The following RYR2 variants were observed in gnomAD, a reference collection of about 807,000 sequenced individuals.
The protein encoded by RYR2 is ryanodine receptor 2.
In RYR2, 227 loss-of-function variants were observed where a neutral mutation model predicts 601.1. The observed-to-expected ratio is 0.38, with a 90% CI of 0.34 to 0.42. The LOEUF (loss-of-function observed/expected upper bound fraction) is 0.42. Among genes scored for constraint, RYR2 ranks in the 10% least tolerant of loss-of-function variants. The pLI, the probability that RYR2 is intolerant of heterozygous loss-of-function variation, is 1.00. For missense variants in RYR2, 4,646 were observed against 6,156.5 expected, an observed-to-expected ratio of 0.75 and a Z score of 8.21; for synonymous variants, 2,223 against 2,175.1, an observed-to-expected ratio of 1.02 and a Z score of -0.61.
intron 24 of RYR2, among the ~76,000 whole-genome samples, chr1:237,524,153 T>C (rs777413014): frequency 6.6e-6 from 1 of 152,182 alleles, no homozygotes; most frequent in Non-Finnish European, 1.5e-5. Context: ...AACTGGAAAC[T>C]GTGCAAATGT....
rs188214700 is a variant in RYR2 at position 237,337,768 on chromosome 1, A to G, written c.273+6786A>G. On this transcript the variant is annotated intron_variant, in intron 3 of 104. Coordinates refer to ENST00000366574, the MANE Select transcript of RYR2 (RefSeq NM_001035.3). Reference sequence around the variant, plus strand: ...AAAATAACTATAATCTCTGGACAAAATACAAAAACAAAACTACACCCACAA... The same window carrying G: ...AAAATAACTATAATCTCTGGACAAAGTACAAAAACAAAACTACACCCACAA... Among the ~76,000 whole-genome samples, 442 of 152,316 alleles carry G rather than the reference A, an allele frequency of 2.9e-3. 4 individuals carry two copies. The highest frequency in any genetic ancestry group is 0.014 in the Middle Eastern group (4 of 294).
At chr1:237,666,659 TGCA>T in intron 57 of RYR2, 70 bp downstream of exon 57, 4 of 1,195,206 alleles carry the variant, frequency 3.3e-6, no homozygotes, top group Non-Finnish European at 4.8e-6. Context: ...AATGCTTTCC[TGCA>T]TATATTTGGC....
intron 2 of RYR2, among the ~76,000 whole-genome samples, chr1:237,317,464 T>C (rs1351013383): frequency 6.6e-6 from 1 of 152,200 alleles, no homozygotes; most frequent in Non-Finnish European, 1.5e-5. Flanking sequence ...AGTGTTCTTG[T>C]TTTTCTAATT....
chr1:237,328,756 TA>T (rs1449137365), intron 2 of RYR2, among the ~76,000 whole-genome samples: 1 of 152,216 alleles, frequency 6.6e-6, no homozygotes, highest in African/African-American at 2.4e-5. Context: ...CTTGTAACCA[TA>T]AAGCATCATT....
intron 48 of RYR2, among the ~76,000 whole-genome samples, chr1:237,646,136 C>A: frequency 6.6e-6 from 1 of 152,100 alleles, no homozygotes; most frequent in Non-Finnish European, 1.5e-5. Context: ...CTCGGCCTCC[C>A]AAAGTGCTGG....
At position 237,567,357 on chromosome 1, in the gene RYR2, T is replaced by A. The variant is rs141530209; in HGVS notation, c.3423+582T>A. On this transcript the variant is annotated intron_variant, in intron 28 of 104. Coordinates refer to ENST00000366574, the MANE Select transcript of RYR2 (RefSeq NM_001035.3). Reference sequence around the variant, plus strand: ...ACTTTGAGAGGCTGAGATGGAGGGATCACTTGGGGCTAGGAGTGCAAGACC... The same window carrying A: ...ACTTTGAGAGGCTGAGATGGAGGGAACACTTGGGGCTAGGAGTGCAAGACC... Among the ~76,000 whole-genome samples the A allele has an allele frequency of 3.5e-3, 507 of 145,060 alleles. 1 individual carries two copies. Among genetic ancestry groups the A allele is most frequent in the African/African-American group, 0.012 (476 of 39,584 alleles).
intron 1 of RYR2, among the ~76,000 whole-genome samples, chr1:237,152,625 C>T (rs781047598): frequency 6.6e-6 from 1 of 151,880 alleles, no homozygotes; most frequent in Non-Finnish European, 1.5e-5. Context: ...CTTTTTTTCA[C>T]GTTTGTTGGC....
chr1:237,174,582 C>T (rs555030202), intron 1 of RYR2, among the ~76,000 whole-genome samples: 9 of 152,334 alleles, frequency 5.9e-5, no homozygotes, highest in Admixed American at 4.6e-4. Flanking sequence ...TATGATAACA[C>T]TCAATGGAGT....
chr1:237,130,613 G>A (rs758268542), intron 1 of RYR2, among the ~76,000 whole-genome samples: 8 of 152,058 alleles, frequency 5.3e-5, no homozygotes, highest in African/African-American at 7.2e-5. Flanking sequence ...TCAGGAGGCT[G>A]AGGCAGGAGA....
At chr1:237,674,601 A>G (rs1268438129) in intron 59 of RYR2, 130 bp from the exon 60 acceptor site, 2 of 462,468 alleles carry the variant, frequency 4.3e-6, no homozygotes, top group Non-Finnish European at 7.7e-6. Flanking sequence ...CATTAGAAAA[A>G]CTTCAAAATT....
chr1:237,395,533 C>CTTTTTTTTTTTTTT (rs71180022), intron 10 of RYR2, among the ~76,000 whole-genome samples: 28 of 87,430 alleles, frequency 3.2e-4, no homozygotes, highest in African/African-American at 6.9e-4. Flanking sequence ...GTAGGACTGT[C>CTTTTTTTTTTTTTT]TTTTTTTTTT....
chr1:237,641,414 A>G (rs1681461573), intron 47 of RYR2, among the ~76,000 whole-genome samples: 1 of 152,136 alleles, frequency 6.6e-6, no homozygotes, highest in Non-Finnish European at 1.5e-5. Context: ...AGTGAGAGGG[A>G]AGGTATAGGG....
chr1:237,455,686 AC>A (rs1415572681), intron 15 of RYR2, among the ~76,000 whole-genome samples: 3 of 152,314 alleles, frequency 2.0e-5, no homozygotes, highest in East Asian at 3.9e-4. Context: ...CTCATCAGAA[AC>A]GCTTGAAACT....
At chr1:237,536,748 T>A (rs1401150186) in intron 25 of RYR2, among the ~76,000 whole-genome samples, 3 of 125,374 alleles carry the variant, frequency 2.4e-5, no homozygotes, top group Admixed American at 9.1e-5. Context: ...TAGCCGGGCA[T>A]GGTGGCAGGC....
chr1:237,539,891 C>A (rs1669068528), intron 25 of RYR2, among the ~76,000 whole-genome samples: 1 of 150,272 alleles, frequency 6.7e-6, no homozygotes, highest in Admixed American at 6.7e-5. Context: ...GTACATCTTG[C>A]ACATGTACCC....
At chr1:237,652,159 A>G (rs958739328) in intron 51 of RYR2, among the ~76,000 whole-genome samples, 2 of 152,240 alleles carry the variant, frequency 1.3e-5, no homozygotes, top group African/African-American at 4.8e-5. Context: ...GGCTTTAAAG[A>G]CAACATTTTC....
chr1:237,647,679 G>T (rs1464863688), intron 48 of RYR2, among the ~76,000 whole-genome samples: 2 of 152,204 alleles, frequency 1.3e-5, no homozygotes, highest in Non-Finnish European at 1.5e-5. Flanking sequence ...GAAAATTTCT[G>T]TGATAGTATT....
At chr1:237,437,598 G>C (rs192425134) in intron 12 of RYR2, among the ~76,000 whole-genome samples, 14 of 152,290 alleles carry the variant, frequency 9.2e-5, no homozygotes, top group Admixed American at 9.2e-4. Context: ...TGATAGTCAA[G>C]TGGAAAGAAG....
intron 14 of RYR2, among the ~76,000 whole-genome samples, chr1:237,449,524 A>G (rs528384404): frequency 1.3e-5 from 2 of 152,282 alleles, no homozygotes; most frequent in Admixed American, 1.3e-4. Flanking sequence ...TAAATAACAA[A>G]AACATCTATA....
Sources: gnomAD v4.1 joint callset for allele counts (sites outside exome capture counted in the v4.1 genomes callset) on GRCh38, gnomAD v4.1.1 for gene constraint, MANE v1.5 for transcripts, NCBI Gene and HGNC (gene_info 2026-07-23, HGNC 2026-07-21) for gene names.